Variants in CA2 observed in about 807,000 individuals in gnomAD.
The protein encoded by CA2 is carbonate dehydratase II.
Under a neutral mutation model 27.8 loss-of-function variants are expected in CA2, and 23 were observed. That is an observed-to-expected ratio of 0.83 (90% CI 0.59 to 1.17). CA2 has a LOEUF of 1.17. CA2 is among the 50% of genes most tolerant of loss of function. CA2 has a pLI of 0.00. For synonymous variants in CA2, 99 were observed against 114.9 expected (o/e 0.86, Z 0.88); for missense variants, 300 against 314.7 (o/e 0.95, Z 0.35).
intron 2 of CA2, among the ~76,000 whole-genome samples, chr8:85,468,782 C>CCACACA (rs112532869): frequency 2.0e-5 from 3 of 149,688 alleles, no homozygotes; most frequent in African/African-American, 7.4e-5. Flanking sequence ...AAACAAAAAA[C>CCACACA]CACACACACA....
intron 1 of CA2, chr8:85,464,986 AC>A (rs1488888056): frequency 3.2e-5 from 11 of 346,608 alleles, no homozygotes; most frequent in Non-Finnish European, 5.9e-5. Flanking sequence ...CAGTAAAACG[AC>A]CTTAAAATAG....
intron 2 of CA2, chr8:85,473,350 C>T (rs535162919): frequency 4.5e-6 from 2 of 447,186 alleles, no homozygotes; most frequent in African/African-American, 2.0e-5. Context: ...AGAATTTTCT[C>T]TCTCTGGACC....
At chr8:85,475,959 A>C in intron 5 of CA2, 99 bp downstream of exon 5, 1 of 919,516 alleles carries the variant, frequency 1.1e-6, no homozygotes, top group Non-Finnish European at 1.8e-6. Flanking sequence ...TCTCAATGAC[A>C]TGTGGTGTTT....
chr8:85,474,453 T>G (rs1335600710), intron 4 of CA2, 37 bp downstream of exon 4: 3 of 1,404,906 alleles, frequency 2.1e-6, no homozygotes, highest in Non-Finnish European at 3.0e-6. Flanking sequence ...TTCCCTATTT[T>G]TAATAAAGAA....
At chr8:85,477,019 A>G (rs1811811214) in intron 5 of CA2, 101 bp from the exon 6 acceptor site, 24 of 1,108,562 alleles carry the variant, frequency 2.2e-5, no homozygotes, top group Non-Finnish European at 3.3e-5. Flanking sequence ...AGTGTTTTTG[A>G]CCATCAGAGG....
intron 2 of CA2, among the ~76,000 whole-genome samples, chr8:85,467,509 C>T (rs757027109): frequency 1.3e-5 from 2 of 152,214 alleles, no homozygotes; most frequent in Non-Finnish European, 2.9e-5. Flanking sequence ...CCTTCGACCA[C>T]CTCTGTTAGA....
At chr8:85,468,782 CCACA>C (rs112532869) in intron 2 of CA2, among the ~76,000 whole-genome samples, 21 of 149,688 alleles carry the variant, frequency 1.4e-4, no homozygotes, top group Non-Finnish European at 3.0e-5. Context: ...AAACAAAAAA[CCACA>C]CACACACACA....
intron 2 of CA2, among the ~76,000 whole-genome samples, chr8:85,471,520 C>T (rs1477037742): frequency 6.6e-6 from 1 of 151,856 alleles, no homozygotes; most frequent in Admixed American, 6.6e-5. Flanking sequence ...GAATAAGAAA[C>T]AGCAATAAAC....
At chr8:85,470,673 T>C (rs1243973486) in intron 2 of CA2, among the ~76,000 whole-genome samples, 2 of 152,144 alleles carry the variant, frequency 1.3e-5, no homozygotes, top group Non-Finnish European at 2.9e-5. Flanking sequence ...ATAATATGTA[T>C]AGGAAGAAAG....
At chr8:85,470,668 A>T (rs1386425429) in intron 2 of CA2, among the ~76,000 whole-genome samples, 1 of 152,180 alleles carries the variant, frequency 6.6e-6, no homozygotes, top group Admixed American at 6.5e-5. Context: ...CTCAAATAAT[A>T]TGTATAGGAA....
intron 2 of CA2, among the ~76,000 whole-genome samples, chr8:85,471,603 G>A (rs1811713837): frequency 6.6e-6 from 1 of 151,946 alleles, no homozygotes; most frequent in South Asian, 2.1e-4. Context: ...TTAGAAAATT[G>A]GTTATCTCAG....
At chr8:85,475,077 G>GC (rs1308767271) in intron 4 of CA2, among the ~76,000 whole-genome samples, 1 of 152,108 alleles carries the variant, frequency 6.6e-6, no homozygotes, top group East Asian at 1.9e-4. Context: ...GGACACCAAG[G>GC]CAGGAGGATA....
chr8:85,474,655 G>T (rs1811764190), intron 4 of CA2: 1 of 526,596 alleles, frequency 1.9e-6, no homozygotes, highest in Admixed American at 3.1e-5. Flanking sequence ...AGAACATAAA[G>T]AGATCAACTT....
At chr8:85,469,156 G>A (rs897828063) in intron 2 of CA2, among the ~76,000 whole-genome samples, 1 of 151,936 alleles carries the variant, frequency 6.6e-6, no homozygotes, top group Non-Finnish European at 1.5e-5. Context: ...TTAAAAAATC[G>A]GCAGTTTAAC....
chr8:85,473,014 A>AAT (rs1240278872), intron 2 of CA2, among the ~76,000 whole-genome samples: 1 of 10,588 alleles, frequency 9.4e-5, no homozygotes, highest in Non-Finnish European at 2.1e-4. Context: ...TAATAATAAT[A>AAT]AATAAATAAA....
intron 3 of CA2, among the ~76,000 whole-genome samples, 158 bp from the exon 4 acceptor site, chr8:85,474,166 G>A (rs535018795): frequency 6.6e-6 from 1 of 152,276 alleles, no homozygotes; most frequent in Admixed American, 6.5e-5. Flanking sequence ...GTACTGTGTG[G>A]ATGATTAGAA....
intron 6 of CA2, among the ~76,000 whole-genome samples, chr8:85,478,415 A>C (rs1010226900): frequency 1.3e-5 from 2 of 152,222 alleles, no homozygotes; most frequent in Non-Finnish European, 2.9e-5. Flanking sequence ...AGTGTAGCGT[A>C]AGGAAAGATT....
intron 3 of CA2, 85 bp from the exon 4 acceptor site, chr8:85,474,239 T>C: frequency 1.0e-6 from 1 of 995,870 alleles, no homozygotes; most frequent in Non-Finnish European, 1.6e-6. Context: ...GAGTAACCTT[T>C]ATTGTGAGAA....
intron 2 of CA2, among the ~76,000 whole-genome samples, chr8:85,468,806 A>ATGT (rs552160885): frequency 2.0e-3 from 305 of 150,850 alleles, no homozygotes; most frequent in African/African-American, 7.0e-3. Context: ...ACACAAAACC[A>ATGT]TGTGGAAAAA....
Sources: allele counts gnomAD v4.1 joint callset (sites outside exome capture counted in the v4.1 genomes callset), GRCh38; gene constraint gnomAD v4.1.1; transcripts MANE v1.5; gene names NCBI Gene and HGNC (gene_info 2026-07-23, HGNC 2026-07-21).